Variants in LILRB1 observed in about 807,000 individuals in gnomAD.
LILRB1 encodes leukocyte immunoglobulin like receptor B1, also known as leukocyte immunoglobulin-like receptor subfamily B member 1.
LILRB1 carries 59 observed loss-of-function variants against 74.6 expected under a neutral mutation model. That is an observed-to-expected ratio of 0.79 (90% confidence interval 0.64 to 0.98). The LOEUF is 0.98. LILRB1 is among the 50% of genes least tolerant of loss of function. LILRB1 has a pLI of 0.00. For synonymous variants in LILRB1, 328 were observed against 333.9 expected (o/e 0.98, Z 0.19); for missense variants, 804 against 822.6 (o/e 0.98, Z 0.28).
At position 54,632,607 on chromosome 19, in the gene LILRB1, G is replaced by T. The variant is rs372558482; in HGVS notation, c.805G>T (p.Ala269Ser). ...KDGERDFLQL[A>S]GAQPQAGLSQ... Reference sequence around the variant, plus strand: ...CGGGGAACGTGACTTCCTTCAGCTCGCTGGCGCACAGCCCCAGGCTGGGCT... The same window carrying T: ...CGGGGAACGTGACTTCCTTCAGCTCTCTGGCGCACAGCCCCAGGCTGGGCT... Residue 269 changes from alanine to serine, a missense_variant, in exon 6 of 15, where the codon GCT becomes TCT. Physicochemically the swap from Ala to Ser is moderately conservative, Grantham distance 99. Transcript: ENST00000324602. 3 of 1,613,484 alleles carry T rather than the reference G, an allele frequency of 1.9e-6. No individual in the cohort carries two copies. Among genetic ancestry groups the T allele is most frequent in the Non-Finnish European group, 8.5e-7 (1 of 1,179,882 alleles).
intron 12 of LILRB1, 44 bp from the exon 13 acceptor site, chr19:54,635,513 A>G (rs1363261515): frequency 6.3e-7 from 1 of 1,590,066 alleles, no homozygotes; most frequent in Non-Finnish European, 8.6e-7. Flanking sequence ...CAGAGGTCCC[A>G]GGGAACCTTC....
In LILRB1 at chr19:54,636,722, C is replaced by G. The variant is rs763314536; in HGVS notation, c.1813-10C>G. ...CCACGTTCCTTCCCTCTCACTCTCC[C>G]CCGCTGCAGGCTGCTGCATCTGAAG... On this transcript the variant is annotated splice_polypyrimidine_tract_variant and intron_variant, in intron 14 of 14. Transcript: ENST00000324602. 3.1e-6 allele frequency: 5 copies of G among 1,611,058 alleles called. No homozygotes were observed. Among genetic ancestry groups the G allele is most frequent in the African/African-American group, 1.3e-5 (1 of 74,352 alleles).
intron 1 of LILRB1, among the ~76,000 whole-genome samples, chr19:54,622,971 A>G (rs6509888): frequency 0.49 from 74,040 of 151,936 alleles, 18,844 homozygotes; most frequent in South Asian, 0.58. Flanking sequence ...ACTTTTATTG[A>G]CTTGCATATA....
intron 1 of LILRB1, among the ~76,000 whole-genome samples, chr19:54,619,386 T>C (rs2063395020): frequency 1.3e-5 from 2 of 152,148 alleles, no homozygotes; most frequent in South Asian, 4.1e-4. Flanking sequence ...AGAAATATAA[T>C]AGTCATTCTA....
intron 1 of LILRB1, among the ~76,000 whole-genome samples, chr19:54,624,096 G>A (rs187171745): frequency 1.4e-3 from 220 of 152,284 alleles, no homozygotes; most frequent in Non-Finnish European, 1.1e-3. Flanking sequence ...GGAGTGTCAG[G>A]TGCCCTGAGC....
chr19:54,633,323 G>A lies in LILRB1; in HGVS notation c.1261+5G>A. On this transcript the variant is annotated splice_donor_5th_base_variant and intron_variant, in intron 7 of 14. Transcript: ENST00000324602. Reference sequence around the variant, plus strand: ...CCCTGGAGCTCGTGGTCTCAGGTGGGGGCCTTGACCCTGTCCTCTCTGAGC... The same window carrying A: ...CCCTGGAGCTCGTGGTCTCAGGTGGAGGCCTTGACCCTGTCCTCTCTGAGC... The A allele has an allele frequency of 6.2e-7, 1 of 1,612,616 alleles. No individual in the cohort carries two copies. The highest frequency in any genetic ancestry group is 1.1e-5 in the South Asian group (1 of 90,998).
chr19:54,623,103 G>C (rs2063495476), intron 1 of LILRB1, among the ~76,000 whole-genome samples: 2 of 152,080 alleles, frequency 1.3e-5, no homozygotes, highest in Admixed American at 1.3e-4. Flanking sequence ...GTGTTCCTCA[G>C]GTTTCTTGGC....
chr19:54,637,274 T>G lies in LILRB1; in HGVS notation c.*396T>G. 5.5e-6 allele frequency: 1 copy of G among 180,198 alleles called. No individual in the cohort carries two copies. Among genetic ancestry groups the G allele is most frequent in the Non-Finnish European group, 1.2e-5 (1 of 84,536 alleles). 11.2% of individuals were successfully genotyped at this position (180,198 alleles called of 1,614,324 possible). A position where few individuals can be genotyped will look rare whatever the true frequency, so the allele number is the denominator to read the frequency against. ...AGGGCACGGTGGCTCACGCCTGTAA[T>G]TCCAGCACTTTGGGAGGCCGAGGCG... is the stretch of plus-strand genomic sequence containing the variant. On this transcript the variant is annotated 3_prime_UTR_variant, in exon 15 of 15. Transcript: ENST00000324602.
chr19:54,617,581 G>GTGTA (rs1352586592), intron 1 of LILRB1, among the ~76,000 whole-genome samples: 1 of 150,974 alleles, frequency 6.6e-6, no homozygotes, highest in Non-Finnish European at 1.5e-5. Flanking sequence ...GTGTGTGTGT[G>GTGTA]TGTGTGTGGT....
At position 54,634,726 on chromosome 19, in the gene LILRB1, C is replaced by T. The variant is rs1409477384; in HGVS notation, c.1449C>T (p.Ile483=). Residue 483 remains isoleucine (I), a synonymous_variant, in exon 10 of 15, where the codon ATC becomes ATT. Coordinates refer to ENST00000324602, the MANE Select transcript of LILRB1 (RefSeq NM_001081637.3). ...TCCTCCTCCTCCTCCTCTTCCTCATCCTCCGACATCGACGTCAGGGCAAAC... is the reference window on the plus strand; with the variant it reads ...TCCTCCTCCTCCTCCTCTTCCTCATTCTCCGACATCGACGTCAGGGCAAAC... ...LLLLLLLLFL[I]LRHRRQGKHW... The T allele has an allele frequency of 6.2e-7, 1 of 1,614,052 alleles. No individual in the cohort carries two copies. The highest frequency in any genetic ancestry group is 8.5e-7 in the Non-Finnish European group (1 of 1,179,992).
At chr19:54,634,448 G>A (rs1232230522) in intron 9 of LILRB1, 193 bp from the exon 10 acceptor site, 12 of 1,521,262 alleles carry the variant, frequency 7.9e-6, no homozygotes, top group Non-Finnish European at 8.0e-6. Context: ...TTCCTGGCTG[G>A]GGGCCCCGGG....
chr19:54,622,731 G>A lies in LILRB1; in HGVS notation c.-166+5382G>A, dbSNP rs767796439. On this transcript the variant is annotated intron_variant, in intron 1 of 15. Coordinates refer to the LILRB1 transcript ENST00000396331. ...GTGTTGAATAGGAGTGGTGAGAGTG[G>A]ACATCCTTATCCTGTTCCATTTCTT... Among the ~76,000 whole-genome samples the A allele has an allele frequency of 7.9e-5, 12 of 152,238 alleles. No individual in the cohort carries two copies. The South Asian group carries it at 2.3e-3, about 29-fold the overall frequency.
Position 54,631,584 on chromosome 19 carries a change from G to T in LILRB1, c.155G>T (p.Gly52Val), listed in dbSNP as rs574518086. 87 of 1,614,250 alleles carry T rather than the reference G, an allele frequency of 5.4e-5. No individual in the cohort carries two copies. The African/African-American group carries it at 9.2e-4, about 17-fold the overall frequency. ...GSPVTLRCQG[G>V]QETQEYRLYR... ...CCTGTGACCCTCAGGTGTCAGGGGGGCCAGGAGACCCAGGAGTACCGTCTA... is the reference window on the plus strand; with the variant it reads ...CCTGTGACCCTCAGGTGTCAGGGGGTCCAGGAGACCCAGGAGTACCGTCTA... Residue 52 changes from glycine (G) to valine (V), a missense_variant, in exon 4 of 15, where the codon GGC becomes GTC. By Grantham distance (109) the Gly-to-Val change is moderately radical. Coordinates refer to ENST00000324602, the MANE Select transcript of LILRB1 (RefSeq NM_001081637.3).
chr19:54,632,260 T>G (rs2063942086), intron 5 of LILRB1, 23 bp downstream of exon 5: 2 of 1,603,376 alleles, frequency 1.2e-6, no homozygotes, highest in Non-Finnish European at 1.7e-6. Context: ...CAGCATTGCC[T>G]GGAGTTCCCT....
intron 13 of LILRB1, chr19:54,636,235 C>G (rs2064404894): frequency 1.5e-6 from 1 of 673,060 alleles, no homozygotes; most frequent in Non-Finnish European, 2.5e-6. Flanking sequence ...GCAGAGGAAA[C>G]AACCCTGCAA....
rs369266016 is a variant in LILRB1, at chr19:54,635,466, G to A, written c.1601-91G>A. The stretch of plus-strand genomic sequence containing the variant: ...TCGCAGCCCCTCCCTGCATCTCAGT[G>A]GCCCCATCTGGGAGCTGAGCAGGGG... On this transcript the variant is annotated intron_variant, in intron 12 of 14. Coordinates refer to ENST00000324602, the MANE Select transcript of LILRB1 (RefSeq NM_001081637.3). 1.7e-3 allele frequency: 2,561 copies of A among 1,534,156 alleles called. 46 individuals carry two copies. The South Asian group carries it at 0.028, about 17-fold the overall frequency.
chr19:54,620,179 C>T (rs1433451526), intron 1 of LILRB1, among the ~76,000 whole-genome samples: 3 of 151,994 alleles, frequency 2.0e-5, no homozygotes, highest in Admixed American at 1.3e-4. Context: ...AAAGTTAACT[C>T]TGAGACCTGT....
rs376588535 is a variant in LILRB1, at chr19:54,636,443, C to T, written c.1654-51C>T. The T allele has an allele frequency of 9.4e-6, 15 of 1,600,098 alleles. No individual in the cohort carries two copies. The South Asian group carries it at 1.2e-4, about 13-fold the overall frequency. ...CGGGGAACAGTGAGGAAAATTGACT[C>T]CAGGGGGTCAGGAGGATTCAAGGAC... On this transcript the variant is annotated intron_variant, in intron 13 of 14. Coordinates refer to ENST00000324602, the MANE Select transcript of LILRB1 (RefSeq NM_001081637.3).
In LILRB1 at chr19:54,631,083, A is replaced by T. The variant is rs765258791; in HGVS notation, c.10A>T (p.Ile4Phe). Reference protein sequence around the residue: MTPILTVLICLGLS... With the variant: MTPFLTVLICLGLS... The stretch of plus-strand genomic sequence containing the variant: ...AGTGGGAGGAGACGCCATGACCCCC[A>T]TCCTCACGGTCCTGATCTGTCTCGG... The change falls in exon 2 of 15, where the codon ATC becomes TTC. Residue 4 changes from isoleucine to phenylalanine, a missense_variant. Coordinates refer to ENST00000324602, the MANE Select transcript of LILRB1 (RefSeq NM_001081637.3). The T allele has an allele frequency of 2.5e-6, 4 of 1,613,792 alleles. No homozygotes were observed. The South Asian group carries it at 4.4e-5, about 18-fold the overall frequency.
Sources: allele counts gnomAD v4.1 joint callset (sites outside exome capture counted in the v4.1 genomes callset), GRCh38; gene constraint gnomAD v4.1.1; transcripts MANE v1.5; gene names NCBI Gene and HGNC (gene_info 2026-07-23, HGNC 2026-07-21).